Variants in SPAG9 observed in about 807,000 individuals in gnomAD.
SPAG9 encodes C-Jun-amino-terminal kinase-interacting protein 4.
Under a neutral mutation model 166.5 loss-of-function variants are expected in SPAG9, and 35 were observed. That is an observed-to-expected ratio of 0.21 (90% CI 0.16 to 0.28). SPAG9 has a LOEUF of 0.28. SPAG9 is among the 10% of genes least tolerant of loss of function. The pLI is 1.00. For synonymous variants in SPAG9, 534 were observed against 565.5 expected (o/e 0.94, Z 0.79); for missense variants, 1,235 against 1,603.3 (o/e 0.77, Z 3.92).
intron 7 of SPAG9, 122 bp downstream of exon 7, chr17:51,021,035 AC>A: frequency 2.5e-6 from 2 of 801,828 alleles, no homozygotes. Flanking sequence ...TAGAGGGCCA[AC>A]TATATCTGCC....
chr17:51,000,304 G>A (rs2044875787), intron 13 of SPAG9, among the ~76,000 whole-genome samples: 1 of 152,170 alleles, frequency 6.6e-6, no homozygotes, highest in South Asian at 2.1e-4. Flanking sequence ...CATAATCAGA[G>A]CTCTCTTTTC....
At chr17:50,997,308 G>T (rs923889398) in intron 15 of SPAG9, among the ~76,000 whole-genome samples, 2 of 152,164 alleles carry the variant, frequency 1.3e-5, no homozygotes, top group Non-Finnish European at 2.9e-5. Flanking sequence ...CATATGAAAG[G>T]GGAAAATTCT....
chr17:51,073,617 C>A, intron 2 of SPAG9, among the ~76,000 whole-genome samples: 1 of 151,536 alleles, frequency 6.6e-6, no homozygotes, highest in East Asian at 1.9e-4. Context: ...AATTTCCCCC[C>A]AGAAAAAGTG....
At chr17:51,041,024 C>T (rs781225673) in intron 5 of SPAG9, among the ~76,000 whole-genome samples, 5 of 152,108 alleles carry the variant, frequency 3.3e-5, no homozygotes, top group Admixed American at 1.3e-4. Context: ...TTACACCACG[C>T]CTTTTTAGCT....
intron 12 of SPAG9, among the ~76,000 whole-genome samples, 165 bp downstream of exon 12, chr17:51,005,047 C>A (rs1490195918): frequency 2.6e-5 from 4 of 152,202 alleles, no homozygotes; most frequent in Non-Finnish European, 5.9e-5. Context: ...AGCTCAGCAT[C>A]TGGATACCAT....
Position 50,979,822 on chromosome 17 carries a change from C to G in SPAG9, c.3333G>C (p.Thr1111=). The change falls in exon 26 of 30, where the codon ACG becomes ACC. Residue 1111 remains threonine (T), a synonymous_variant. Transcript: ENST00000262013. The part of the protein sequence containing the change: ...GVWVSIRLDS[T]LRLYHAHTYQ... The stretch of plus-strand genomic sequence containing the variant: ...AAGTGTGTGCATGATAGAGACGGAG[C>G]GTAGAATCCAAGCGAATGGAGACCC... The G allele has an allele frequency of 6.2e-7, 1 of 1,614,090 alleles. No homozygotes were observed. Among genetic ancestry groups the G allele is most frequent in the Non-Finnish European group, 8.5e-7 (1 of 1,179,990 alleles).
At chr17:51,061,931 C>T (rs1296765280) in intron 2 of SPAG9, among the ~76,000 whole-genome samples, 1 of 152,142 alleles carries the variant, frequency 6.6e-6, no homozygotes, top group East Asian at 1.9e-4. Flanking sequence ...GATAAACTAT[C>T]AATCCATTCT....
chr17:51,081,245 T>TCAGC (rs1385791030), intron 1 of SPAG9, among the ~76,000 whole-genome samples: 1 of 152,058 alleles, frequency 6.6e-6, no homozygotes, highest in East Asian at 1.9e-4. Flanking sequence ...CTTTAAAAAG[T>TCAGC]CAGCCAGCCA....
At chr17:51,073,196 T>C (rs1458111651) in intron 2 of SPAG9, among the ~76,000 whole-genome samples, 2 of 151,776 alleles carry the variant, frequency 1.3e-5, no homozygotes, top group Non-Finnish European at 2.9e-5. Context: ...GGCGTGGTGG[T>C]GGGCGCCTGT....
chr17:51,095,687 GATATATAT>G (rs895790025), intron 1 of SPAG9, among the ~76,000 whole-genome samples: 3 of 146,422 alleles, frequency 2.0e-5, no homozygotes, highest in Non-Finnish European at 4.5e-5. Flanking sequence ...TATATATAGT[GATATATAT>G]ATAGTGATAT....
chr17:51,101,395 A>G (rs1380347301), intron 1 of SPAG9, among the ~76,000 whole-genome samples: 1 of 151,390 alleles, frequency 6.6e-6, no homozygotes, highest in Non-Finnish European at 1.5e-5. Context: ...TTGATGCTAC[A>G]CTTTGAAAAA....
chr17:51,004,625 G>A (rs1234662284), intron 12 of SPAG9, among the ~76,000 whole-genome samples: 5 of 152,094 alleles, frequency 3.3e-5, no homozygotes, highest in Non-Finnish European at 5.9e-5. Context: ...AGCTCCTCGG[G>A]AGGCTGAGGC....
chr17:51,017,333 G>C (rs2045741254), intron 8 of SPAG9, among the ~76,000 whole-genome samples: 1 of 152,128 alleles, frequency 6.6e-6, no homozygotes, highest in Admixed American at 6.6e-5. Flanking sequence ...AGGAGGGGCA[G>C]GACGAACATG....
intron 4 of SPAG9, chr17:51,046,947 T>A (rs2047043063): frequency 1.4e-6 from 2 of 1,439,712 alleles, no homozygotes; most frequent in African/African-American, 2.8e-5. Flanking sequence ...CTTAGCTCAT[T>A]GGCTACAATG....
intron 4 of SPAG9, chr17:51,046,609 C>T (rs1338123935): frequency 6.5e-7 from 1 of 1,536,054 alleles, no homozygotes; most frequent in African/African-American, 1.4e-5. Context: ...TTAATGACCA[C>T]CGCCCCGCCA....
At chr17:51,038,508 T>G (rs1441680764) in intron 5 of SPAG9, among the ~76,000 whole-genome samples, 1 of 152,210 alleles carries the variant, frequency 6.6e-6, no homozygotes, top group East Asian at 1.9e-4. Flanking sequence ...TTTTCCATTA[T>G]ATTTGGAACG....
Position 50,962,378 on chromosome 17 carries a change from G to T in SPAG9, c.*3894C>A, listed in dbSNP as rs1439711487. The T allele has an allele frequency of 6.6e-6, 1 of 152,164 alleles. No homozygotes were observed. Among genetic ancestry groups the T allele is most frequent in the Admixed American group, 6.5e-5 (1 of 15,270 alleles). 9.4% of individuals were successfully genotyped at this position (152,164 alleles called of 1,614,324 possible). A position where few individuals can be genotyped will look rare whatever the true frequency, so the allele number is the denominator to read the frequency against. ...AGATTATAGAGGCAAGTAAAATTCT[G>T]ATAGAATGTCTTGGACAAAAAACGA... On this transcript the variant is annotated 3_prime_UTR_variant, in exon 30 of 30. Coordinates refer to ENST00000262013, the MANE Select transcript of SPAG9 (RefSeq NM_001130528.3).
chr17:51,072,510 C>G (rs2047851088), intron 2 of SPAG9, among the ~76,000 whole-genome samples: 1 of 151,284 alleles, frequency 6.6e-6, no homozygotes, highest in African/African-American at 2.4e-5. Context: ...GGGTGAAACT[C>G]CATCTCTACT....
intron 6 of SPAG9, among the ~76,000 whole-genome samples, chr17:51,024,101 G>C (rs1159975846): frequency 6.6e-6 from 1 of 152,144 alleles, no homozygotes; most frequent in Non-Finnish European, 1.5e-5. Context: ...TTTGAGACCA[G>C]CCTGGCCAAC....
Sources: allele counts gnomAD v4.1 joint callset (sites outside exome capture counted in the v4.1 genomes callset), GRCh38; gene constraint gnomAD v4.1.1; transcripts MANE v1.5; gene names NCBI Gene and HGNC (gene_info 2026-07-23, HGNC 2026-07-21).